The following MPRIP variants were observed in gnomAD, a reference collection of about 807,000 sequenced individuals.
The protein encoded by MPRIP is myosin phosphatase Rho-interacting protein.
Under a neutral mutation model 234.9 loss-of-function variants are expected in MPRIP, and 59 were observed. That is an observed-to-expected ratio of 0.25 (90% CI 0.20 to 0.31). The LOEUF (loss-of-function observed/expected upper bound fraction) is 0.31, where lower values mean the gene tolerates loss of function less well. Ranked by LOEUF, MPRIP falls within the 10% of genes least tolerant of loss-of-function variation. The pLI is 1.00. For missense variants in MPRIP, 2,436 were observed against 3,071.0 expected (o/e 0.79, Z 4.89); for synonymous variants, 1,144 against 1,263.9 (o/e 0.91, Z 2.01).
intron 3 of MPRIP, among the ~76,000 whole-genome samples, chr17:17,114,934 C>T (rs912880707): frequency 2.6e-5 from 4 of 152,154 alleles, no homozygotes; most frequent in East Asian, 1.9e-4. Context: ...TTATTTTCTC[C>T]GTTAAAAAAA....
At chr17:17,122,446 C>T (rs1474830199) in intron 3 of MPRIP, among the ~76,000 whole-genome samples, 3 of 152,182 alleles carry the variant, frequency 2.0e-5, no homozygotes, top group East Asian at 1.9e-4. Flanking sequence ...CTCCGCCTCC[C>T]GGGTTCACGC....
At chr17:17,154,191 G>C (rs1321981206) in intron 12 of MPRIP, 115 bp from the exon 13 acceptor site, 1 of 847,048 alleles carries the variant, frequency 1.2e-6, no homozygotes. Flanking sequence ...GGGTCACCCA[G>C]TCACAGCCTT....
At chr17:17,101,494 C>T (rs1348412807) in intron 3 of MPRIP, among the ~76,000 whole-genome samples, 4 of 152,264 alleles carry the variant, frequency 2.6e-5, no homozygotes, top group East Asian at 1.9e-4. Context: ...CGCTTGAACT[C>T]GGGAGGCAGA....
At chr17:17,144,310 C>T (rs1597455951) in intron 9 of MPRIP, among the ~76,000 whole-genome samples, 1 of 152,350 alleles carries the variant, frequency 6.6e-6, no homozygotes, top group East Asian at 1.9e-4. Flanking sequence ...GGCTTGGGGG[C>T]TGCCAACCAC....
At chr17:17,133,950 G>C (rs892233481) in intron 5 of MPRIP, among the ~76,000 whole-genome samples, 7 of 152,190 alleles carry the variant, frequency 4.6e-5, no homozygotes, top group Admixed American at 2.0e-4. Flanking sequence ...TGTGTTTCCA[G>C]CCAGGTGTGC....
chr17:17,042,839 C>A lies in MPRIP; in HGVS notation c.-10C>A, dbSNP rs1015456262. 1.3e-6 allele frequency: 2 copies of A among 1,508,272 alleles called. No homozygotes were observed. The highest frequency in any genetic ancestry group is 5.7e-5 in the East Asian group (2 of 35,280). The allele number at this position is 1,508,272 out of a possible 1,614,324, so 93.4% of individuals were successfully genotyped here. On this transcript the variant is annotated 5_prime_UTR_variant, in exon 1 of 24. Coordinates refer to ENST00000651222, the MANE Select transcript of MPRIP (RefSeq NM_001364716.4). The stretch of plus-strand genomic sequence containing the variant: ...CCGCCGCCGCCGCCGCCGTCGCCGC[C>A]GCGCCGACCATGTCGGCAGCCAAGG...
chr17:17,107,969 G>A (rs558788956), intron 3 of MPRIP, among the ~76,000 whole-genome samples: 2 of 152,292 alleles, frequency 1.3e-5, no homozygotes, highest in Non-Finnish European at 1.5e-5. Flanking sequence ...GGGCCTGCCC[G>A]GAGCCCTGGC....
In MPRIP at chr17:17,164,986, G is replaced by T; in HGVS notation, c.3395G>T (p.Arg1132Leu). The change falls in exon 16 of 24, where the codon CGG (arginine) becomes CTG (leucine). Residue 1132 changes from arginine (R) to leucine (L), a missense_variant. Physicochemically the swap from Arg to Leu is moderately radical, Grantham distance 102. Around this residue, in one of 4 missense-constraint regions of MPRIP, gnomAD observed 1,998 missense variants for 2,520.3 expected, o/e 0.79. Transcript: ENST00000651222. ...ATSDEDVAEL[R>L]EKLRRREADN... ...TCCGACGAGGATGTGGCTGAGCTCC[G>T]GGAAAAGCTGAGGAGAAGAGAGGCT... is the stretch of plus-strand genomic sequence containing the variant. The T allele has an allele frequency of 1.5e-6, 2 of 1,302,500 alleles. No homozygotes were observed. The highest frequency in any genetic ancestry group is 1.0e-6 in the Non-Finnish European group (1 of 988,846). 80.7% of individuals were successfully genotyped at this position (1,302,500 alleles called of 1,614,324 possible). A position where few individuals can be genotyped will look rare whatever the true frequency, so the allele number is the denominator to read the frequency against.
chr17:17,169,069 G>A (rs2046072895), intron 16 of MPRIP: 2 of 445,798 alleles, frequency 4.5e-6, no homozygotes, highest in Non-Finnish European at 9.0e-6. Context: ...GGAGAACTGA[G>A]AAGCTCTTTT....
At position 17,175,410 on chromosome 17, in the gene MPRIP, G is replaced by A. The variant is rs1483333533; in HGVS notation, c.6868G>A (p.Glu2290Lys). The A allele has an allele frequency of 6.2e-7, 1 of 1,608,006 alleles. No homozygotes were observed. Among genetic ancestry groups the A allele is most frequent in the Non-Finnish European group, 8.5e-7 (1 of 1,177,232 alleles). Residue 2290 changes from glutamate to lysine, a missense_variant and splice_region_variant, in exon 20 of 24, where the codon GAG (glutamate) becomes AAG (lysine). Physicochemically the swap from Glu to Lys is moderately conservative, Grantham distance 56. Around this residue, in one of 4 missense-constraint regions of MPRIP, gnomAD observed 1,998 missense variants for 2,520.3 expected, o/e 0.79. Coordinates refer to ENST00000651222, the MANE Select transcript of MPRIP (RefSeq NM_001364716.4). ...LAQGKDAYEL[E>K]VLLRVKESEI... Reference sequence around the variant, plus strand: ...ACAGGGCAAGGATGCCTATGAACTAGAGGTACCATCAGGAGCCAGGCCCTG... The same window carrying A: ...ACAGGGCAAGGATGCCTATGAACTAAAGGTACCATCAGGAGCCAGGCCCTG...
intron 4 of MPRIP, among the ~76,000 whole-genome samples, chr17:17,130,578 C>A (rs532951258): frequency 2.1e-5 from 3 of 144,018 alleles, no homozygotes; most frequent in South Asian, 2.4e-4. Context: ...GCAGTACAGA[C>A]CCCCCCATCC....
At position 17,126,686 on chromosome 17, in the gene MPRIP, T is replaced by C; in HGVS notation, c.268-16T>C. On this transcript the variant is annotated splice_polypyrimidine_tract_variant and intron_variant, in intron 3 of 23. Coordinates refer to ENST00000651222, the MANE Select transcript of MPRIP (RefSeq NM_001364716.4). ...ATTGGCTGGCCTCTGGGTGACTCTC[T>C]GCCGCCTTCTTCCAGCCCACGACCC... is the stretch of plus-strand genomic sequence containing the variant. 1 of 1,604,482 alleles carries C rather than the reference T, an allele frequency of 6.2e-7. No individual in the cohort carries two copies. The highest frequency in any genetic ancestry group is 1.3e-5 in the African/African-American group (1 of 74,940).
At position 17,166,456 on chromosome 17, in the gene MPRIP, A is replaced by C. The variant is rs959491246; in HGVS notation, c.4865A>C (p.Asp1622Ala). The C allele has an allele frequency of 7.7e-7, 1 of 1,304,266 alleles. No individual in the cohort carries two copies. Among genetic ancestry groups the C allele is most frequent in the Non-Finnish European group, 1.0e-6 (1 of 988,942 alleles). The allele number at this position is 1,304,266 out of a possible 1,614,324, so 80.8% of individuals were successfully genotyped here. Residue 1622 changes from aspartate (D) to alanine (A), a missense_variant, in exon 16 of 24, where the codon GAT (aspartate) becomes GCT (alanine). This residue lies in a region of MPRIP where 1,998 missense variants were observed against 2,520.3 expected (regional missense o/e 0.79). Transcript: ENST00000651222. This position sits in a 1 kb window ranked among gnomAD's most constrained non-coding sequence, Gnocchi z 4.4. ...VDTWARKVLV[D>A]GEFWSQVESL... ...ACCTGGGCCAGGAAGGTCCTAGTGGATGGTGAGTTCTGGAGCCAGGTTGAG... is the reference window on the plus strand; with the variant it reads ...ACCTGGGCCAGGAAGGTCCTAGTGGCTGGTGAGTTCTGGAGCCAGGTTGAG...
At chr17:17,077,836 A>G (rs2089370675) in intron 2 of MPRIP, 175 bp from the exon 3 acceptor site, 2 of 629,950 alleles carry the variant, frequency 3.2e-6, no homozygotes, top group Admixed American at 2.4e-5. Flanking sequence ...GTCCTGGCTG[A>G]TGAATCAACA....
At chr17:17,182,617 T>A (rs1268936176) in intron 23 of MPRIP, 1 of 152,246 alleles carries the variant, frequency 6.6e-6, no homozygotes, top group Non-Finnish European at 1.5e-5. Context: ...TTTCACTTAC[T>A]TCCCACCCTT....
At position 17,137,935 on chromosome 17, in the gene MPRIP, C is replaced by T. The variant is rs759342117; in HGVS notation, c.756C>T (p.Ser252=). Residue 252 remains serine (S), a synonymous_variant, in exon 7 of 24, where the codon AGC becomes AGT. Transcript: ENST00000651222. ...ESKEEESAMS[S]DRMDCGRKVR... is the part of the protein sequence containing the mutation. The stretch of plus-strand genomic sequence containing the variant: ...TTCCAGAGGAGAGCGCCATGAGTAG[C>T]GACCGCATGGACTGTGGCCGCAAAG... 102 of 1,607,962 alleles carry T rather than the reference C, an allele frequency of 6.3e-5. No homozygotes were observed. The highest frequency in any genetic ancestry group is 8.2e-5 in the Non-Finnish European group (97 of 1,177,212).
chr17:17,068,397 A>T (rs1456543963), intron 1 of MPRIP, among the ~76,000 whole-genome samples: 1 of 151,070 alleles, frequency 6.6e-6, no homozygotes, highest in Admixed American at 6.6e-5. Flanking sequence ...TGATCTGCCC[A>T]CCTCGGCCTC....
intron 3 of MPRIP, chr17:17,096,928 A>G (rs2089860500): frequency 2.5e-6 from 1 of 407,598 alleles, no homozygotes; most frequent in Non-Finnish European, 5.1e-6. Flanking sequence ...GCTGCTGGGA[A>G]GACCAAGGGG....
At chr17:17,158,330 T>C in intron 13 of MPRIP, 102 bp from the exon 14 acceptor site, 1 of 944,438 alleles carries the variant, frequency 1.1e-6, no homozygotes, top group South Asian at 1.8e-5. Flanking sequence ...AAGGATGTGG[T>C]GCTCACAGGG....
Sources: gnomAD v4.1 joint callset for allele counts (sites outside exome capture counted in the v4.1 genomes callset) on GRCh38, gnomAD v4.1.1 for gene constraint, gnomAD v4.1.1 regional missense constraint, Gnocchi (gnomAD v3.1) non-coding constraint, MANE v1.5 for transcripts, NCBI Gene and HGNC (gene_info 2026-07-23, HGNC 2026-07-21) for gene names.